Variants in CNTNAP2 observed in about 807,000 individuals in gnomAD.
CNTNAP2 encodes the protein contactin-associated protein-like 2.
A neutral mutation model predicts 155.2 loss-of-function variants in CNTNAP2; 98 were observed. That is an observed-to-expected ratio of 0.63 (90% CI 0.54 to 0.75). CNTNAP2 has a LOEUF of 0.75. Ranked by LOEUF, CNTNAP2 falls within the 30% of genes least tolerant of loss-of-function variation. CNTNAP2 has a pLI of 0.00. For synonymous variants in CNTNAP2, 651 were observed against 631.2 expected (o/e 1.03, Z -0.47); for missense variants, 1,727 against 1,688.1 (o/e 1.02, Z -0.40).
intron 9 of CNTNAP2, among the ~76,000 whole-genome samples, chr7:147,348,962 G>A (rs773835713): frequency 1.3e-5 from 2 of 151,888 alleles, no homozygotes; most frequent in Non-Finnish European, 2.9e-5. Flanking sequence ...GAAAAGTAAA[G>A]CACAGGATAC....
At chr7:147,598,021 A>G (rs563907879) in intron 12 of CNTNAP2, among the ~76,000 whole-genome samples, 1 of 152,296 alleles carries the variant, frequency 6.6e-6, no homozygotes, top group African/African-American at 2.4e-5. Flanking sequence ...GTGGAATGGG[A>G]AGGAGCAGTT....
At chr7:147,820,220 A>G (rs1798340342) in intron 13 of CNTNAP2, among the ~76,000 whole-genome samples, 1 of 152,042 alleles carries the variant, frequency 6.6e-6, no homozygotes, top group East Asian at 1.9e-4. Flanking sequence ...GTGATCTGTC[A>G]TTATGGTTTT....
At chr7:146,646,496 CAT>C (rs1356625529) in intron 1 of CNTNAP2, among the ~76,000 whole-genome samples, 3 of 151,988 alleles carry the variant, frequency 2.0e-5, no homozygotes, top group African/African-American at 7.3e-5. Context: ...AATTACATAA[CAT>C]AAATATACAT....
chr7:146,984,023 C>G (rs1203970346), intron 3 of CNTNAP2, among the ~76,000 whole-genome samples: 1 of 152,112 alleles, frequency 6.6e-6, no homozygotes, highest in Admixed American at 6.6e-5. Flanking sequence ...GCTTTCTTTG[C>G]AGACCTACTG....
chr7:147,379,391 T>A (rs35292433), intron 9 of CNTNAP2, among the ~76,000 whole-genome samples: 23,614 of 152,116 alleles, frequency 0.16, 2,094 homozygotes, highest in East Asian at 0.35. Context: ...TTATACTTGT[T>A]TTCTTGAGTT....
chr7:146,860,103 A>G (rs903696928), intron 3 of CNTNAP2, among the ~76,000 whole-genome samples: 6 of 152,244 alleles, frequency 3.9e-5, no homozygotes, highest in Non-Finnish European at 5.9e-5. Flanking sequence ...CTTTTATTTA[A>G]CAAATATTTA....
At chr7:147,451,030 C>T (rs949193397) in intron 10 of CNTNAP2, among the ~76,000 whole-genome samples, 1 of 152,200 alleles carries the variant, frequency 6.6e-6, no homozygotes, top group Non-Finnish European at 1.5e-5. Flanking sequence ...TGCCTCTTTG[C>T]CTTGGCTAAT....
chr7:147,798,014 G>A lies in CNTNAP2; in HGVS notation c.2099-105551G>A, dbSNP rs145603097. On this transcript the variant is annotated intron_variant, in intron 13 of 23. Coordinates refer to ENST00000361727, the MANE Select transcript of CNTNAP2 (RefSeq NM_014141.6). ...GTGTCTCTATCGTGGTAATACAGCC[G>A]TAACTTGTCTTCCCACTTAGACCGA... is the stretch of plus-strand genomic sequence containing the variant. 3.0e-3 allele frequency among the ~76,000 whole-genome samples: 450 copies of A among 152,150 alleles called. 5 individuals are homozygous for A. The highest frequency in any genetic ancestry group is 0.01 in the African/African-American group (427 of 41,518).
At chr7:148,326,600 C>A (rs557947129) in intron 21 of CNTNAP2, among the ~76,000 whole-genome samples, 4 of 151,850 alleles carry the variant, frequency 2.6e-5, no homozygotes, top group Non-Finnish European at 5.9e-5. Context: ...GGCATGGTGG[C>A]TCACGCCTGT....
chr7:147,796,752 T>C (rs1008516531), intron 13 of CNTNAP2, among the ~76,000 whole-genome samples: 4 of 152,240 alleles, frequency 2.6e-5, no homozygotes, highest in Middle Eastern at 3.4e-3. Flanking sequence ...TGCAGGGGAT[T>C]CATGGGGTGA....
At chr7:146,702,824 G>A (rs1052816888) in intron 1 of CNTNAP2, among the ~76,000 whole-genome samples, 2 of 151,946 alleles carry the variant, frequency 1.3e-5, no homozygotes, top group African/African-American at 4.8e-5. Flanking sequence ...TTGCTCTAAC[G>A]ACCTTTAACA....
intron 1 of CNTNAP2, among the ~76,000 whole-genome samples, chr7:146,741,371 T>G (rs1272692721): frequency 6.6e-6 from 1 of 152,166 alleles, no homozygotes; most frequent in Non-Finnish European, 1.5e-5. Context: ...GCTCATCTGT[T>G]GCTGTGCTGG....
At chr7:148,032,969 A>G (rs1802507308) in intron 15 of CNTNAP2, among the ~76,000 whole-genome samples, 2 of 152,182 alleles carry the variant, frequency 1.3e-5, no homozygotes, top group African/African-American at 4.8e-5. Flanking sequence ...CCAGGGCTGG[A>G]TATCAGCCAG....
At chr7:146,477,352 A>G (rs1796893154) in intron 1 of CNTNAP2, among the ~76,000 whole-genome samples, 1 of 152,152 alleles carries the variant, frequency 6.6e-6, no homozygotes, top group Non-Finnish European at 1.5e-5. Context: ...TGCTAAGATC[A>G]TTCTAGTTTT....
At chr7:147,575,107 ATGTGTG>A (rs754922892) in intron 12 of CNTNAP2, among the ~76,000 whole-genome samples, 11,623 of 93,760 alleles carry the variant, frequency 0.12, 1,024 homozygotes, top group African/African-American at 0.26. Context: ...TTTGTGGGAA[ATGTGTG>A]TGTGTGTGTG....
chr7:147,767,478 T>C (rs951477505), intron 13 of CNTNAP2, among the ~76,000 whole-genome samples: 1 of 152,126 alleles, frequency 6.6e-6, no homozygotes, highest in Non-Finnish European at 1.5e-5. Context: ...TTTTCTCTTG[T>C]CCATTATCTT....
intron 13 of CNTNAP2, among the ~76,000 whole-genome samples, chr7:147,705,653 G>A (rs1362923137): frequency 1.3e-5 from 2 of 152,110 alleles, no homozygotes; most frequent in Non-Finnish European, 2.9e-5. Flanking sequence ...GTAAGGTGTT[G>A]AAGTTCCCAA....
At chr7:148,260,063 C>T (rs140950510) in intron 20 of CNTNAP2, among the ~76,000 whole-genome samples, 3 of 152,168 alleles carry the variant, frequency 2.0e-5, no homozygotes, top group Non-Finnish European at 2.9e-5. Context: ...TACACTTAAC[C>T]GTGGCAAATG....
intron 17 of CNTNAP2, among the ~76,000 whole-genome samples, chr7:148,158,865 C>T (rs1005242332): frequency 2.0e-5 from 3 of 152,024 alleles, no homozygotes; most frequent in African/African-American, 4.8e-5. Flanking sequence ...TTTATCTTTC[C>T]GATAAGGACT....
Sources: gnomAD v4.1 joint callset for allele counts (sites outside exome capture counted in the v4.1 genomes callset) on GRCh38, gnomAD v4.1.1 for gene constraint, MANE v1.5 for transcripts, NCBI Gene and HGNC (gene_info 2026-07-23, HGNC 2026-07-21) for gene names.